SOS1: variants seen among roughly 807,000 people sequenced by gnomAD.
SOS1 encodes SOS Ras/Rac guanine nucleotide exchange factor 1.
SOS1 carries 25 observed loss-of-function variants against 157.6 expected under a neutral mutation model. That is an observed-to-expected ratio of 0.16 (90% CI 0.12 to 0.22). SOS1 has a LOEUF of 0.22. Ranked by LOEUF, SOS1 falls within the 10% of genes least tolerant of loss-of-function variation. SOS1 has a pLI of 1.00. For missense variants in SOS1, 1,237 were observed against 1,599.1 expected, an observed-to-expected ratio of 0.77 and a Z score of 3.86; for synonymous variants, 528 against 534.0, an observed-to-expected ratio of 0.99 and a Z score of 0.16.
intron 1 of SOS1, among the ~76,000 whole-genome samples, chr2:39,110,045 T>C (rs199500238): frequency 0.066 from 9,760 of 147,692 alleles, 401 homozygotes; most frequent in East Asian, 0.17. Context: ...TGTGCGTGTG[T>C]GTGTGTGTGT....
At chr2:39,003,027 T>G (rs921075319) in intron 17 of SOS1, among the ~76,000 whole-genome samples, 2 of 146,708 alleles carry the variant, frequency 1.4e-5, no homozygotes, top group Non-Finnish European at 3.0e-5. Context: ...ATGGTGCCAC[T>G]GTACTCTCTA....
intron 6 of SOS1, among the ~76,000 whole-genome samples, chr2:39,039,706 G>A (rs1463177582): frequency 6.6e-6 from 1 of 152,108 alleles, no homozygotes; most frequent in Non-Finnish European, 1.5e-5. Flanking sequence ...CATTTAATGG[G>A]CAAAATGAGA....
chr2:39,031,996 CTA>C (rs1180739173), intron 8 of SOS1, among the ~76,000 whole-genome samples: 2 of 152,090 alleles, frequency 1.3e-5, no homozygotes, highest in African/African-American at 4.8e-5. Flanking sequence ...TAAAGTCACA[CTA>C]TTTTTAATTT....
At chr2:38,990,960 T>TA (rs1668714121) in intron 20 of SOS1, among the ~76,000 whole-genome samples, 1 of 152,140 alleles carries the variant, frequency 6.6e-6, no homozygotes, top group Non-Finnish European at 1.5e-5. Flanking sequence ...CTAATTAATT[T>TA]AAAAAACAGT....
chr2:39,075,278 G>T (rs1375699648), intron 1 of SOS1, among the ~76,000 whole-genome samples: 1 of 152,010 alleles, frequency 6.6e-6, no homozygotes, highest in African/African-American at 2.4e-5. Flanking sequence ...GGGTGGTGGG[G>T]GCAGCAACAA....
intron 1 of SOS1, among the ~76,000 whole-genome samples, chr2:39,072,931 G>T (rs1488586265): frequency 1.3e-5 from 2 of 152,074 alleles, no homozygotes; most frequent in Non-Finnish European, 2.9e-5. Flanking sequence ...TACTTAAAAC[G>T]CAAGCAGAGT....
rs869178369 is a variant in SOS1 at position 39,069,190 on chromosome 2, C to CAAAAAAA, written c.88-1444_88-1438dup. Among the ~76,000 whole-genome samples, 15 of 46,760 alleles carry CAAAAAAA rather than the reference C, an allele frequency of 3.2e-4. 1 individual carries two copies. The highest frequency in any genetic ancestry group is 4.4e-4 in the Non-Finnish European group (11 of 25,242). The allele number at this position is 46,760 out of a possible 152,430, so 30.7% of individuals were successfully genotyped here. ...GGGAAAACCTGTCTCTACCAAAAAG[C>CAAAAAAA]AAAAAAAAAAAAAAAAAAAAAAAAA... On this transcript the variant is annotated intron_variant, in intron 1 of 22. Coordinates refer to ENST00000402219, the MANE Select transcript of SOS1 (RefSeq NM_005633.4).
intron 10 of SOS1, 26 bp downstream of exon 10, chr2:39,022,544 G>A (rs149067816): frequency 6.3e-7 from 1 of 1,589,744 alleles, no homozygotes; most frequent in African/African-American, 1.3e-5. Flanking sequence ...GAAAACAAAA[G>A]TGACAGGCAA....
At chr2:39,119,545 GAAGAA>G (rs1463760782) in intron 1 of SOS1, among the ~76,000 whole-genome samples, 16 of 152,204 alleles carry the variant, frequency 1.1e-4, no homozygotes, top group African/African-American at 3.4e-4. Flanking sequence ...AAAGGTAAAT[GAAGAA>G]AAGAAAACAA....
chr2:39,086,835 C>T (rs779197821), intron 1 of SOS1, among the ~76,000 whole-genome samples: 8 of 151,290 alleles, frequency 5.3e-5, no homozygotes, highest in Non-Finnish European at 1.0e-4. Context: ...TTTTTTGAGA[C>T]GGAGTCTCAT....
intron 1 of SOS1, among the ~76,000 whole-genome samples, chr2:39,088,477 C>T (rs929882630): frequency 2.0e-5 from 3 of 152,002 alleles, no homozygotes; most frequent in Non-Finnish European, 4.4e-5. Context: ...TAAACAATAA[C>T]TCCCCAATTC....
At position 39,013,952 on chromosome 2, in the gene SOS1, G is replaced by A; in HGVS notation, c.1978C>T (p.Arg660Cys). The A allele has an allele frequency of 6.2e-7, 1 of 1,605,224 alleles. No homozygotes were observed. The change falls in exon 12 of 23, where the codon CGC (arginine) becomes TGC (cysteine). Residue 660 changes from arginine to cysteine, a missense_variant. Around this residue, in one of 15 missense-constraint regions of SOS1, gnomAD observed 55 missense variants for 43.1 expected, o/e 1.27. Transcript: ENST00000402219. The stretch of plus-strand genomic sequence containing the variant: ...TGATCTCCATTCTCTATAGCTATGC[G>A]ATCAGCTTCTGTTGGCTCAGGCTCT... ...IPEPEPTEAD[R>C]IAIENGDQPL...
intron 1 of SOS1, among the ~76,000 whole-genome samples, chr2:39,080,833 G>A (rs1672174721): frequency 6.6e-6 from 1 of 151,894 alleles, no homozygotes; most frequent in African/African-American, 2.4e-5. Flanking sequence ...ATAAGCAACA[G>A]AAACCATTTA....
intron 1 of SOS1, among the ~76,000 whole-genome samples, chr2:39,104,707 A>C (rs2148212145): frequency 6.6e-6 from 1 of 152,364 alleles, no homozygotes; most frequent in Non-Finnish European, 1.5e-5. Context: ...CAAAATGTCC[A>C]CCTGAATAGA....
At chr2:39,081,403 C>T (rs1672196642) in intron 1 of SOS1, among the ~76,000 whole-genome samples, 1 of 151,622 alleles carries the variant, frequency 6.6e-6, no homozygotes, top group African/African-American at 2.4e-5. Context: ...AGCTGTAATG[C>T]CAGCTTCTGG....
chr2:39,115,849 A>G (rs1031811185), intron 1 of SOS1, among the ~76,000 whole-genome samples: 6 of 150,768 alleles, frequency 4.0e-5, no homozygotes, highest in African/African-American at 1.5e-4. Flanking sequence ...CTGAAAAGAG[A>G]TGCCATGAAC....
In SOS1 at chr2:39,090,152, A is replaced by C. The variant is rs535849762; in HGVS notation, c.88-22399T>G. 1.2e-4 allele frequency among the ~76,000 whole-genome samples: 18 copies of C among 151,952 alleles called. 1 individual carries two copies. The highest frequency in any genetic ancestry group is 3.9e-4 in the Admixed American group (6 of 15,238). On this transcript the variant is annotated intron_variant, in intron 1 of 22. Coordinates refer to ENST00000402219, the MANE Select transcript of SOS1 (RefSeq NM_005633.4). The stretch of plus-strand genomic sequence containing the variant: ...GAGACCCTGTCTCAAAAAAAAAAAA[A>C]AAAAACACTCTGTGCATAAACACTA...
intron 6 of SOS1, among the ~76,000 whole-genome samples, chr2:39,040,994 T>G (rs1043737833): frequency 3.3e-5 from 5 of 152,236 alleles, no homozygotes; most frequent in African/African-American, 7.2e-5. Context: ...CACATCTTCA[T>G]GAACACTTGT....
chr2:39,014,636 A>T, intron 11 of SOS1, 129 bp downstream of exon 11: 1 of 518,000 alleles, frequency 1.9e-6, no homozygotes. Flanking sequence ...CATCTAAGAG[A>T]TTTTATTTAT....
Sources: gnomAD v4.1 joint callset for allele counts (sites outside exome capture counted in the v4.1 genomes callset) on GRCh38, gnomAD v4.1.1 for gene constraint, gnomAD v4.1.1 regional missense constraint, MANE v1.5 for transcripts, NCBI Gene and HGNC (gene_info 2026-07-23, HGNC 2026-07-21) for gene names.